The following WWP2 variants were observed in gnomAD, a reference collection of about 807,000 sequenced individuals.
WWP2 encodes the protein NEDD4-like E3 ubiquitin-protein ligase WWP2.
WWP2 carries 57 observed loss-of-function variants against 121.0 expected under a neutral mutation model. That is an observed-to-expected ratio of 0.47 (90% CI 0.38 to 0.59). WWP2 has a LOEUF of 0.59. WWP2 is among the 20% of genes least tolerant of loss of function. The pLI is 0.00. For synonymous variants in WWP2, 449 were observed against 441.3 expected (o/e 1.02, Z -0.22); for missense variants, 962 against 1,158.9 (o/e 0.83, Z 2.47).
rs1317913167 is a variant in WWP2, at chr16:69,870,789, C to T, written c.576-1015C>T. 4.6e-5 allele frequency among the ~76,000 whole-genome samples: 7 copies of T among 152,064 alleles called. No homozygotes were observed. The East Asian group carries it at 9.6e-4, about 21-fold the overall frequency. ...GCCTCGTTTGGTGAAACAGATGAACCGAAGGACAGGGAGGCTTAGACATTT... is the reference window on the plus strand; with the variant it reads ...GCCTCGTTTGGTGAAACAGATGAACTGAAGGACAGGGAGGCTTAGACATTT... On this transcript the variant is annotated intron_variant, in intron 6 of 23. Coordinates refer to ENST00000359154, the MANE Select transcript of WWP2 (RefSeq NM_001270454.2).
intron 1 of WWP2, among the ~76,000 whole-genome samples, chr16:69,774,476 C>T (rs896122108): frequency 1.3e-4 from 20 of 152,084 alleles, no homozygotes; most frequent in Non-Finnish European, 2.5e-4. Context: ...AGGCTGGTCT[C>T]GAACTCCTGG....
intron 19 of WWP2, 197 bp downstream of exon 19, chr16:69,936,649 C>A: frequency 1.4e-6 from 1 of 708,652 alleles, no homozygotes; most frequent in Non-Finnish European, 2.3e-6. Flanking sequence ...TAGTTACCGA[C>A]TCCCAGCTGT....
At chr16:69,838,849 AG>A in intron 4 of WWP2, 1 of 985,474 alleles carries the variant, frequency 1.0e-6, no homozygotes, top group South Asian at 4.7e-5. Flanking sequence ...AGAGAGATTA[AG>A]GGAAGGTAGA....
chr16:69,880,785 C>A (rs561498225), intron 7 of WWP2, among the ~76,000 whole-genome samples: 1 of 152,262 alleles, frequency 6.6e-6, no homozygotes, highest in Non-Finnish European at 1.5e-5. Context: ...CTGTGGCCCA[C>A]ATGTTACGAG....
chr16:69,891,074 G>T (rs1183148370), intron 8 of WWP2, among the ~76,000 whole-genome samples: 2 of 152,078 alleles, frequency 1.3e-5, no homozygotes, highest in Non-Finnish European at 2.9e-5. Context: ...GGGCTGACTC[G>T]GGGCCTGGAG....
In WWP2 at chr16:69,925,256, A is replaced by G; in HGVS notation, c.1180-174A>G. On this transcript the variant is annotated intron_variant, in intron 10 of 23. Coordinates refer to ENST00000359154, the MANE Select transcript of WWP2 (RefSeq NM_001270454.2). The surrounding 1 kb of genome is among the most constrained non-coding windows in gnomAD (Gnocchi z 4.0). ...TTGGTTTTTCTGTAAAAATCAAAAC[A>G]AAAAACAGAGACTTTTGAGAGGAGC... 1 of 1,439,552 alleles carries G rather than the reference A, an allele frequency of 6.9e-7. No homozygotes were observed. The highest frequency in any genetic ancestry group is 2.4e-5 in the East Asian group (1 of 41,520). The allele number at this position is 1,439,552 out of a possible 1,614,324, so 89.2% of individuals were successfully genotyped here.
At chr16:69,863,215 A>G (rs1039429652) in intron 6 of WWP2, among the ~76,000 whole-genome samples, 1 of 151,878 alleles carries the variant, frequency 6.6e-6, no homozygotes, top group African/African-American at 2.4e-5. Flanking sequence ...TCACTTTTAC[A>G]TTTTCTCCAC....
At chr16:69,856,917 A>T (rs1274761291) in intron 6 of WWP2, among the ~76,000 whole-genome samples, 1 of 151,974 alleles carries the variant, frequency 6.6e-6, no homozygotes, top group Non-Finnish European at 1.5e-5. Context: ...CCTATTTGGT[A>T]CTTATATTTT....
chr16:69,932,979 G>A (rs556668187), intron 16 of WWP2: 56 of 468,804 alleles, frequency 1.2e-4, no homozygotes, highest in African/African-American at 5.4e-4. Flanking sequence ...CGGTGGTGGC[G>A]TTGCCTTCTG....
At position 69,840,216 on chromosome 16, in the gene WWP2, C is replaced by T; in HGVS notation, c.431C>T (p.Pro144Leu). The change falls in exon 5 of 24, where the codon CCA (proline) becomes CTA (leucine). Residue 144 changes from proline to leucine, a missense_variant. Transcript: ENST00000359154. ...GAGCTGACAATTTTCCTGGACGGGC[C>T]AACTGTTGATCTGGGAAATGTGCCT... ...GGELTIFLDGPTVDLGNVPNG... is the reference protein window; with the variant it reads ...GGELTIFLDGLTVDLGNVPNG... 1 of 1,613,858 alleles carries T rather than the reference C, an allele frequency of 6.2e-7. No individual in the cohort carries two copies. Among genetic ancestry groups the T allele is most frequent in the South Asian group, 1.1e-5 (1 of 91,086 alleles).
chr16:69,837,813 A>G (rs947036362), intron 4 of WWP2, among the ~76,000 whole-genome samples: 6 of 152,176 alleles, frequency 3.9e-5, no homozygotes, highest in Non-Finnish European at 8.8e-5. Context: ...CCTGGAAACA[A>G]GATGAAAGGA....
At chr16:69,929,550 G>A (rs113632338) in intron 12 of WWP2, 21 bp downstream of exon 12, 8 of 1,612,158 alleles carry the variant, frequency 5.0e-6, no homozygotes, top group Admixed American at 1.7e-5. Context: ...GGGCTGAGAG[G>A]GGGGCCGGGC....
intron 14 of WWP2, 29 bp downstream of exon 14, chr16:69,931,256 C>A: frequency 1.2e-6 from 2 of 1,612,934 alleles, no homozygotes; most frequent in Non-Finnish European, 1.7e-6. Context: ...GCTCCCGTGG[C>A]AGTTGGGGTT....
chr16:69,930,311 C>T, intron 13 of WWP2, 53 bp downstream of exon 13: 2 of 1,598,962 alleles, frequency 1.3e-6, no homozygotes, highest in Non-Finnish European at 1.7e-6. Context: ...CCCAGGCTGT[C>T]CTTGTTCTGG....
chr16:69,862,708 C>CTTTTT (rs546868069), intron 6 of WWP2, among the ~76,000 whole-genome samples: 5 of 76,502 alleles, frequency 6.5e-5, no homozygotes, highest in Admixed American at 2.7e-4. Flanking sequence ...GCCATGAATT[C>CTTTTT]TTTTTTTTTT....
At chr16:69,817,001 C>T (rs2056505601) in intron 4 of WWP2, among the ~76,000 whole-genome samples, 3 of 152,160 alleles carry the variant, frequency 2.0e-5, no homozygotes, top group Admixed American at 2.0e-4. Context: ...CCCATAACCT[C>T]TATACATTCT....
intron 4 of WWP2, among the ~76,000 whole-genome samples, chr16:69,806,538 T>C (rs987362723): frequency 3.3e-5 from 5 of 152,218 alleles, no homozygotes; most frequent in Admixed American, 2.6e-4. Context: ...GGGTCTGGCA[T>C]CTTGCTTTGA....
At chr16:69,769,316 C>CAAAAAAAAAAAA (rs1186524809) in intron 1 of WWP2, among the ~76,000 whole-genome samples, 1 of 76,398 alleles carries the variant, frequency 1.3e-5, no homozygotes, top group Non-Finnish European at 2.6e-5. Context: ...GACTCCATCT[C>CAAAAAAAAAAAA]AAAAAAAAAA....
intron 8 of WWP2, among the ~76,000 whole-genome samples, chr16:69,904,736 A>G (rs968733661): frequency 3.3e-5 from 5 of 152,172 alleles, no homozygotes; most frequent in Non-Finnish European, 5.9e-5. Context: ...ACTAAATGAA[A>G]TATGAAGATC....
Sources: gnomAD v4.1 joint callset for allele counts (sites outside exome capture counted in the v4.1 genomes callset) on GRCh38, gnomAD v4.1.1 for gene constraint, Gnocchi (gnomAD v3.1) non-coding constraint, MANE v1.5 for transcripts, NCBI Gene and HGNC (gene_info 2026-07-23, HGNC 2026-07-21) for gene names.